The following ALKBH5 variants were observed in gnomAD, a reference collection of about 807,000 sequenced individuals.
The protein encoded by ALKBH5 is alkB homolog 5, RNA demethylase.
Under a neutral mutation model 32.1 loss-of-function variants are expected in ALKBH5, and 2 were observed. That is an observed-to-expected ratio of 0.06 (90% CI 0.03 to 0.20). The LOEUF (loss-of-function observed/expected upper bound fraction) is 0.20. ALKBH5 is among the 10% of genes least tolerant of loss of function. The probability of loss-of-function intolerance (pLI) is 1.00; values close to 1 mark genes in which losing one functional copy is unlikely to be tolerated. For synonymous variants in ALKBH5, 300 were observed against 231.7 expected, an observed-to-expected ratio of 1.29 and a Z score of -2.68; for missense variants, 352 against 559.5, an observed-to-expected ratio of 0.63 and a Z score of 3.74.
In ALKBH5 at chr17:18,184,173, C is replaced by A; in HGVS notation, c.-71C>A. 1 of 1,341,346 alleles carries A rather than the reference C, an allele frequency of 7.5e-7. No homozygotes were observed. The highest frequency in any genetic ancestry group is 9.9e-7 in the Non-Finnish European group (1 of 1,007,194). The allele number at this position is 1,341,346 out of a possible 1,614,324, so 83.1% of individuals were successfully genotyped here. A position where few individuals can be genotyped will look rare whatever the true frequency, so the allele number is the denominator to read the frequency against. The stretch of plus-strand genomic sequence containing the variant: ...CCCCCTCCCTCCGGGGGCCCCGGGG[C>A]GCGTCCCCTTAGAGCCATGCCCGGC... On this transcript the variant is annotated 5_prime_UTR_variant, in exon 1 of 4. Coordinates refer to ENST00000399138, the MANE Select transcript of ALKBH5 (RefSeq NM_017758.4).
intron 1 of ALKBH5, among the ~76,000 whole-genome samples, chr17:18,186,072 T>C (rs550831309): frequency 2.5e-4 from 38 of 152,330 alleles, no homozygotes; most frequent in Admixed American, 1.8e-3. Context: ...CCCTGGAGCC[T>C]TCTTGATATG....
At chr17:18,208,119 G>A in intron 3 of ALKBH5, 100 bp from the exon 4 acceptor site, 9 of 1,314,822 alleles carry the variant, frequency 6.8e-6, no homozygotes, top group Non-Finnish European at 7.3e-6. Flanking sequence ...GGACCACTGA[G>A]CTGAAGTGAC....
intron 1 of ALKBH5, among the ~76,000 whole-genome samples, chr17:18,194,256 C>T (rs537267444): frequency 8.7e-4 from 132 of 152,066 alleles, no homozygotes; most frequent in Non-Finnish European, 1.1e-3. Flanking sequence ...TAGGTTCAAG[C>T]GATTCTCCTG....
At chr17:18,201,898 C>T (rs765618116) in intron 2 of ALKBH5, among the ~76,000 whole-genome samples, 15 of 151,918 alleles carry the variant, frequency 9.9e-5, no homozygotes, top group South Asian at 2.1e-4. Flanking sequence ...ACCTATAGTC[C>T]GAGCTACTCG....
chr17:18,196,436 G>C (rs2047205022), intron 2 of ALKBH5, among the ~76,000 whole-genome samples: 1 of 152,144 alleles, frequency 6.6e-6, no homozygotes, highest in Admixed American at 6.5e-5. Flanking sequence ...GGCCAAGCTG[G>C]TCTCTAACTT....
chr17:18,203,185 G>A (rs528976904), intron 2 of ALKBH5, among the ~76,000 whole-genome samples: 1 of 152,120 alleles, frequency 6.6e-6, no homozygotes, highest in Admixed American at 6.5e-5. Context: ...CTCCCAAAGT[G>A]CTGGGATTAC....
At chr17:18,191,917 C>G (rs2047177198) in intron 1 of ALKBH5, among the ~76,000 whole-genome samples, 1 of 149,078 alleles carries the variant, frequency 6.7e-6, no homozygotes, top group South Asian at 2.1e-4. Context: ...CCACTGCACT[C>G]CAGCCTGGGC....
At chr17:18,196,751 G>T (rs1321921123) in intron 2 of ALKBH5, among the ~76,000 whole-genome samples, 3 of 152,188 alleles carry the variant, frequency 2.0e-5, no homozygotes, top group African/African-American at 7.2e-5. Flanking sequence ...CCTTAGGAAG[G>T]AAGTCACCAT....
rs1247368262 is a variant in ALKBH5, at chr17:18,209,570, G to C, written c.*1174G>C. ...GTCTTTGGTAGCTTCTATCCACTCA[G>C]ATCCTGGAAGGCAGCAAGGTTTTGT... On this transcript the variant is annotated 3_prime_UTR_variant, in exon 4 of 4. Coordinates refer to ENST00000399138, the MANE Select transcript of ALKBH5 (RefSeq NM_017758.4). 6.6e-6 allele frequency: 1 copy of C among 152,236 alleles called. No individual in the cohort carries two copies. The highest frequency in any genetic ancestry group is 1.5e-5 in the Non-Finnish European group (1 of 68,052). 9.4% of individuals were successfully genotyped at this position (152,236 alleles called of 1,614,324 possible). A position where few individuals can be genotyped will look rare whatever the true frequency, so the allele number is the denominator to read the frequency against.
At chr17:18,188,050 C>T (rs2047150107) in intron 1 of ALKBH5, among the ~76,000 whole-genome samples, 1 of 152,252 alleles carries the variant, frequency 6.6e-6, no homozygotes. Flanking sequence ...GGAAGTGCTT[C>T]AAACTCCTTT....
At position 18,184,834 on chromosome 17, in the gene ALKBH5, C is replaced by G; in HGVS notation, c.591C>G (p.Pro197=). 6.2e-7 allele frequency: 1 copy of G among 1,614,162 alleles called. No homozygotes were observed. The highest frequency in any genetic ancestry group is 8.5e-7 in the Non-Finnish European group (1 of 1,180,014). ...GCGCCGTCATCAACGACTACCAGCC[C>G]GGCGGCTGCATCGTGTCTCACGTGG... ...VNSAVINDYQ[P]GGCIVSHVDP... is the part of the protein sequence containing the mutation. Residue 197 remains proline (P), a synonymous_variant, in exon 1 of 4, where the codon CCC becomes CCG. Coordinates refer to ENST00000399138, the MANE Select transcript of ALKBH5 (RefSeq NM_017758.4).
At chr17:18,187,327 G>T (rs974683283) in intron 1 of ALKBH5, among the ~76,000 whole-genome samples, 1 of 152,078 alleles carries the variant, frequency 6.6e-6, no homozygotes, top group African/African-American at 2.4e-5. Context: ...AGAGGGGGTG[G>T]ATGTTGATGG....
Position 18,206,986 on chromosome 17 carries a change from CCCTCAGCAA to C in ALKBH5, c.1007+17_1007+25del. The C allele has an allele frequency of 1.2e-6, 2 of 1,610,620 alleles. No homozygotes were observed. Among genetic ancestry groups the C allele is most frequent in the Non-Finnish European group, 1.7e-6 (2 of 1,177,502 alleles). On this transcript the variant is annotated intron_variant, in intron 3 of 3. Transcript: ENST00000399138. ...CTGCCCACAGGTACTCAGTTTAGGA[CCCTCAGCAA>C]AGGCTGGCAAAGGCCTGGCTGCAGG...
chr17:18,197,632 C>T (rs2047211843), intron 2 of ALKBH5, among the ~76,000 whole-genome samples: 1 of 152,224 alleles, frequency 6.6e-6, no homozygotes, highest in Non-Finnish European at 1.5e-5. Flanking sequence ...TGGTGACTCC[C>T]ATACCTGGCC....
At chr17:18,199,645 G>T (rs1431943764) in intron 2 of ALKBH5, among the ~76,000 whole-genome samples, 1 of 152,176 alleles carries the variant, frequency 6.6e-6, no homozygotes, top group Non-Finnish European at 1.5e-5. Flanking sequence ...GAAACATCAA[G>T]TATCTACTAT....
chr17:18,206,541 G>C (rs1417871622), intron 2 of ALKBH5: 8 of 342,118 alleles, frequency 2.3e-5, no homozygotes, highest in Non-Finnish European at 4.3e-5. Context: ...AGCGAGCCCT[G>C]GGATCTTGCC....
intron 2 of ALKBH5, among the ~76,000 whole-genome samples, chr17:18,201,802 T>TAGGATAGATA (rs1567676689): frequency 7.8e-4 from 44 of 56,336 alleles, no homozygotes; most frequent in South Asian, 6.1e-3. Context: ...ATAAGATAGA[T>TAGGATAGATA]AGATAGATAG....
chr17:18,188,135 T>C (rs1184891826), intron 1 of ALKBH5, among the ~76,000 whole-genome samples: 1 of 152,226 alleles, frequency 6.6e-6, no homozygotes, highest in Non-Finnish European at 1.5e-5. Flanking sequence ...AAGGCTGTAC[T>C]TTAGGGAAAT....
At chr17:18,199,241 G>A (rs953266468) in intron 2 of ALKBH5, among the ~76,000 whole-genome samples, 18 of 152,160 alleles carry the variant, frequency 1.2e-4, no homozygotes, top group African/African-American at 1.4e-4. Flanking sequence ...TCTCCCAGCC[G>A]ACCGAGGGCA....
Sources: gnomAD v4.1 joint callset for allele counts (sites outside exome capture counted in the v4.1 genomes callset) on GRCh38, gnomAD v4.1.1 for gene constraint, MANE v1.5 for transcripts, NCBI Gene and HGNC (gene_info 2026-07-23, HGNC 2026-07-21) for gene names.